Variants in PPM1H observed in about 807,000 individuals in gnomAD.
PPM1H encodes protein phosphatase, Mg2+/Mn2+ dependent 1H, also known as protein phosphatase 1H.
In PPM1H, 27 loss-of-function variants were observed where a neutral mutation model predicts 54.9. That is an observed-to-expected ratio of 0.49 (90% CI 0.36 to 0.68). The LOEUF is 0.68. PPM1H is among the 30% of genes least tolerant of loss of function. PPM1H has a pLI of 0.00. For synonymous variants in PPM1H, 305 were observed against 270.8 expected, an observed-to-expected ratio of 1.13 and a Z score of -1.24; for missense variants, 596 against 667.8, an observed-to-expected ratio of 0.89 and a Z score of 1.19.
intron 4 of PPM1H, among the ~76,000 whole-genome samples, chr12:62,744,487 A>AAG (rs1491221160): frequency 6.6e-6 from 1 of 151,402 alleles, no homozygotes; most frequent in African/African-American, 2.4e-5. Flanking sequence ...AAAAAAAAAA[A>AAG]GGAGTGAAAT....
At chr12:62,852,766 T>C (rs1869243583) in intron 1 of PPM1H, among the ~76,000 whole-genome samples, 1 of 152,212 alleles carries the variant, frequency 6.6e-6, no homozygotes, top group African/African-American at 2.4e-5. Context: ...GGGAAAGATA[T>C]GGTGGTGAAA....
chr12:62,757,237 C>T (rs2076482042), intron 4 of PPM1H, among the ~76,000 whole-genome samples: 1 of 152,108 alleles, frequency 6.6e-6, no homozygotes, highest in East Asian at 1.9e-4. Context: ...GGAGGAAGAA[C>T]ATCATGGATA....
At chr12:62,778,303 G>C (rs1181837393) in intron 4 of PPM1H, among the ~76,000 whole-genome samples, 1 of 152,120 alleles carries the variant, frequency 6.6e-6, no homozygotes, top group Admixed American at 6.5e-5. Flanking sequence ...CAATTCCCTT[G>C]GGCCTGGGTA....
rs1319056059 is a variant in PPM1H at position 62,707,526 on chromosome 12, G to A, written c.1073+12645C>T. The stretch of plus-strand genomic sequence containing the variant: ...CATATCCATTGTAACAAACTCTAGG[G>A]CTGCCCAAAGTCAATGTTTAAGGAT... On this transcript the variant is annotated intron_variant, in intron 6 of 9. Coordinates refer to ENST00000228705, the MANE Select transcript of PPM1H (RefSeq NM_020700.2). Among the ~76,000 whole-genome samples, 7 of 152,268 alleles carry A rather than the reference G, an allele frequency of 4.6e-5. No homozygotes were observed. In the East Asian group the frequency reaches 1.2e-3, roughly 25 times the overall value.
intron 7 of PPM1H, among the ~76,000 whole-genome samples, chr12:62,692,481 C>A (rs2076088813): frequency 6.6e-6 from 1 of 152,138 alleles, no homozygotes; most frequent in South Asian, 2.1e-4. Flanking sequence ...AACTGAACAG[C>A]TTATTTAATA....
At chr12:62,865,647 C>A (rs917681489) in intron 1 of PPM1H, among the ~76,000 whole-genome samples, 5 of 152,082 alleles carry the variant, frequency 3.3e-5, no homozygotes, top group African/African-American at 1.2e-4. Context: ...CAGGCATGTG[C>A]CACCACGTCC....
intron 9 of PPM1H, among the ~76,000 whole-genome samples, chr12:62,650,625 T>C (rs1017519822): frequency 2.6e-5 from 4 of 152,176 alleles, no homozygotes; most frequent in African/African-American, 9.7e-5. Flanking sequence ...GGTTTAATTG[T>C]CTCACAGTTC....
At chr12:62,832,379 G>T in intron 1 of PPM1H, 100 bp from the exon 2 acceptor site, 1 of 1,122,712 alleles carries the variant, frequency 8.9e-7, no homozygotes, top group Non-Finnish European at 1.3e-6. Context: ...AACTGGCCCA[G>T]AACTACAGCC....
Position 62,785,215 on chromosome 12 carries a change from T to C in PPM1H, c.869+3011A>G, listed in dbSNP as rs547143093. ...TTTTGGAGACGGAGCCTTGCTGTGT[T>C]GCCCAGGCTGGAGTGCAGTGGCACA... is the stretch of plus-strand genomic sequence containing the variant. On this transcript the variant is annotated intron_variant, in intron 4 of 9. Transcript: ENST00000228705. Among the ~76,000 whole-genome samples, 8 of 152,328 alleles carry C rather than the reference T, an allele frequency of 5.3e-5. No homozygotes were observed. In the South Asian group the frequency reaches 1.5e-3, roughly 28 times the overall value.
chr12:62,919,415 T>A (rs1176086443), intron 1 of PPM1H, among the ~76,000 whole-genome samples: 1 of 151,992 alleles, frequency 6.6e-6, no homozygotes, highest in Non-Finnish European at 1.5e-5. Context: ...ATCTAACCTG[T>A]TTTAAATGTT....
At chr12:62,764,251 G>A (rs1301551775) in intron 4 of PPM1H, among the ~76,000 whole-genome samples, 1 of 152,152 alleles carries the variant, frequency 6.6e-6, no homozygotes, top group Non-Finnish European at 1.5e-5. Flanking sequence ...GCACCGTCTA[G>A]GGACACCAAT....
chr12:62,742,497 T>C (rs765376806), intron 4 of PPM1H, among the ~76,000 whole-genome samples: 29 of 152,154 alleles, frequency 1.9e-4, no homozygotes, highest in Non-Finnish European at 3.8e-4. Flanking sequence ...CGGAACGAAA[T>C]GCATGTGAAA....
At position 62,844,482 on chromosome 12, in the gene PPM1H, T is replaced by C. The variant is rs1247176594; in HGVS notation, c.246-12203A>G. On this transcript the variant is annotated intron_variant, in intron 1 of 9. Transcript: ENST00000228705. The surrounding 1 kb of genome is among the most constrained non-coding windows in gnomAD (Gnocchi z 5.2). Reference sequence around the variant, plus strand: ...TTCAGGCTACGTAGCCACATTCCCCTCAAGGCTCAAGATAACTTAAAGTTC... The same window carrying C: ...TTCAGGCTACGTAGCCACATTCCCCCCAAGGCTCAAGATAACTTAAAGTTC... Among the ~76,000 whole-genome samples the C allele has an allele frequency of 6.6e-6, 1 of 152,196 alleles. No homozygotes were observed.
chr12:62,748,374 A>G (rs1057306900), intron 4 of PPM1H, among the ~76,000 whole-genome samples: 2 of 152,222 alleles, frequency 1.3e-5, no homozygotes, highest in African/African-American at 4.8e-5. Context: ...GCAGCAAGGG[A>G]ACTTGCTGAA....
At chr12:62,920,676 T>G (rs1334722886) in intron 1 of PPM1H, among the ~76,000 whole-genome samples, 1 of 151,894 alleles carries the variant, frequency 6.6e-6, no homozygotes, top group East Asian at 1.9e-4. Context: ...TTTATTAATG[T>G]CAGTTTGGTT....
At chr12:62,880,686 TTA>T (rs1405818480) in intron 1 of PPM1H, among the ~76,000 whole-genome samples, 6 of 152,232 alleles carry the variant, frequency 3.9e-5, no homozygotes, top group African/African-American at 1.4e-4. Flanking sequence ...TTCTGCAGAC[TTA>T]TGCCACCACA....
At chr12:62,762,593 G>A (rs79116951) in intron 4 of PPM1H, among the ~76,000 whole-genome samples, 3 of 152,192 alleles carry the variant, frequency 2.0e-5, no homozygotes, top group African/African-American at 7.2e-5. Context: ...AGGGTGCTAG[G>A]GGGAGGATGC....
Position 62,679,752 on chromosome 12 carries a change from G to T in PPM1H, c.1245+9947C>A, listed in dbSNP as rs146394975. On this transcript the variant is annotated intron_variant, in intron 8 of 9. Coordinates refer to ENST00000228705, the MANE Select transcript of PPM1H (RefSeq NM_020700.2). ...CTGGAACAGCCTGTCTACATTTTCC[G>T]GCAACAATCAGAACTCACAGGGTCT... Among the ~76,000 whole-genome samples, 75 of 152,138 alleles carry T rather than the reference G, an allele frequency of 4.9e-4. 1 individual carries two copies. Among genetic ancestry groups the T allele is most frequent in the Admixed American group, 4.2e-3 (64 of 15,274 alleles).
intron 1 of PPM1H, among the ~76,000 whole-genome samples, chr12:62,857,126 T>C (rs1274865948): frequency 9.9e-5 from 15 of 152,204 alleles, no homozygotes; most frequent in Non-Finnish European, 2.2e-4. Context: ...GATTTCAGTG[T>C]GTGCGTGTGG....
Sources: gnomAD v4.1 joint callset for allele counts (sites outside exome capture counted in the v4.1 genomes callset) on GRCh38, gnomAD v4.1.1 for gene constraint, Gnocchi (gnomAD v3.1) non-coding constraint, MANE v1.5 for transcripts, NCBI Gene and HGNC (gene_info 2026-07-23, HGNC 2026-07-21) for gene names.